CSMD3: variants seen among roughly 807,000 people sequenced by gnomAD.
The protein encoded by CSMD3 is CUB and sushi domain-containing protein 3.
Under a neutral mutation model 435.2 loss-of-function variants are expected in CSMD3, and 177 were observed. That is an observed-to-expected ratio of 0.41 (90% CI 0.36 to 0.46). The LOEUF (loss-of-function observed/expected upper bound fraction) is 0.46, where lower values mean the gene tolerates loss of function less well. Ranked by LOEUF, CSMD3 falls within the 20% of genes least tolerant of loss-of-function variation. CSMD3 has a pLI of 0.34. For synonymous variants in CSMD3, 1,656 were observed against 1,520.5 expected, an observed-to-expected ratio of 1.09 and a Z score of -2.07; for missense variants, 4,265 against 4,504.6, an observed-to-expected ratio of 0.95 and a Z score of 1.52.
chr8:112,686,063 T>C (rs773714804), intron 14 of CSMD3, among the ~76,000 whole-genome samples: 3 of 152,128 alleles, frequency 2.0e-5, no homozygotes, highest in African/African-American at 7.2e-5. Flanking sequence ...GAAGTTCCCA[T>C]AGAAAGCAAT....
intron 29 of CSMD3, among the ~76,000 whole-genome samples, chr8:112,505,605 T>C (rs2130924500): frequency 6.6e-6 from 1 of 152,236 alleles, no homozygotes; most frequent in South Asian, 2.1e-4. Flanking sequence ...ATACTTCAAG[T>C]ATTGTAACTT....
chr8:112,730,081 A>G (rs1429091530), intron 13 of CSMD3, among the ~76,000 whole-genome samples: 1 of 152,122 alleles, frequency 6.6e-6, no homozygotes, highest in Admixed American at 6.6e-5. Flanking sequence ...TTGTGGTTGG[A>G]ATATTTGTAG....
At chr8:113,168,532 A>AAAAAAAAC (rs1419092447) in intron 4 of CSMD3, among the ~76,000 whole-genome samples, 1 of 149,252 alleles carries the variant, frequency 6.7e-6, no homozygotes, top group Non-Finnish European at 1.5e-5. Context: ...AAAAAAAAAA[A>AAAAAAAAC]AAAAAAAAAA....
intron 24 of CSMD3, among the ~76,000 whole-genome samples, chr8:112,571,111 G>A (rs1472673612): frequency 6.6e-6 from 1 of 152,068 alleles, no homozygotes; most frequent in Non-Finnish European, 1.5e-5. Context: ...AGGTTCAAGC[G>A]GTTCTCCTGC....
chr8:113,364,837 A>G (rs1156502379), intron 1 of CSMD3, among the ~76,000 whole-genome samples: 1 of 152,120 alleles, frequency 6.6e-6, no homozygotes, highest in African/African-American at 2.4e-5. Context: ...TTACATCACA[A>G]AAAAAGATTC....
intron 13 of CSMD3, among the ~76,000 whole-genome samples, chr8:112,758,004 C>T (rs959622995): frequency 6.6e-6 from 1 of 151,340 alleles, no homozygotes; most frequent in Non-Finnish European, 1.5e-5. Context: ...TGCAGTGAGC[C>T]GTGATCAGGC....
intron 70 of CSMD3, among the ~76,000 whole-genome samples, chr8:112,227,437 T>C (rs1470271377): frequency 1.3e-5 from 2 of 152,192 alleles, no homozygotes; most frequent in African/African-American, 2.4e-5. Context: ...ACAGTTTCCC[T>C]TTGGCATTTT....
chr8:112,685,279 C>A, intron 15 of CSMD3, 127 bp downstream of exon 15: 1 of 714,322 alleles, frequency 1.4e-6, no homozygotes. Context: ...ATCCTTGGCA[C>A]AATGAGATTT....
intron 12 of CSMD3, among the ~76,000 whole-genome samples, chr8:112,825,698 G>A (rs1206964280): frequency 6.6e-6 from 1 of 152,104 alleles, no homozygotes. Flanking sequence ...GCAAGGATGG[G>A]TGTCTGTTCC....
intron 1 of CSMD3, among the ~76,000 whole-genome samples, chr8:113,371,244 CTA>C (rs1376643056): frequency 7.2e-5 from 11 of 151,772 alleles, no homozygotes. Context: ...AGCCAGTATT[CTA>C]TTATTTCTAA....
In CSMD3 at chr8:112,224,253, AT is replaced by A. The variant is rs1188999797; in HGVS notation, c.*517del. On this transcript the variant is annotated 3_prime_UTR_variant, in exon 71 of 71. Transcript: ENST00000297405. ...CATAAACATTTAAAGTCATAACTCA[AT>A]CTTAAATAAAGAAAACAATGCCTCA... is the stretch of plus-strand genomic sequence containing the variant. 2 of 159,570 alleles carry A rather than the reference AT, an allele frequency of 1.3e-5. No homozygotes were observed. The highest frequency in any genetic ancestry group is 4.8e-5 in the African/African-American group (2 of 41,512). 9.9% of individuals were successfully genotyped at this position (159,570 alleles called of 1,614,324 possible). A position where few individuals can be genotyped will look rare whatever the true frequency, so the allele number is the denominator to read the frequency against.
chr8:112,642,169 A>T (rs6415460), intron 20 of CSMD3, among the ~76,000 whole-genome samples: 45,580 of 151,810 alleles, frequency 0.3, 6,922 homozygotes, highest in East Asian at 0.36. Flanking sequence ...ACCAGCTATT[A>T]CCTAAAGGGT....
intron 13 of CSMD3, among the ~76,000 whole-genome samples, chr8:112,701,514 T>A (rs2076388307): frequency 6.6e-6 from 1 of 152,078 alleles, no homozygotes; most frequent in South Asian, 2.1e-4. Flanking sequence ...AATGAGACAC[T>A]GTAAGCCAGG....
At chr8:113,324,969 C>A (rs549336586) in intron 1 of CSMD3, among the ~76,000 whole-genome samples, 3 of 152,340 alleles carry the variant, frequency 2.0e-5, no homozygotes, top group Non-Finnish European at 4.4e-5. Context: ...GGATTTTGAA[C>A]TTGCATGGGG....
rs138951602 is a variant in CSMD3 at position 112,720,749 on chromosome 8, T to C, written c.1973-30699A>G. Among the ~76,000 whole-genome samples the C allele has an allele frequency of 3.3e-5, 5 of 152,322 alleles. No individual in the cohort carries two copies. The East Asian group carries it at 5.8e-4, about 18-fold the overall frequency. On this transcript the variant is annotated intron_variant, in intron 13 of 70. Transcript: ENST00000297405. The stretch of plus-strand genomic sequence containing the variant: ...ATAAATAAACGATGTTGTTGCTTCT[T>C]AAAGAGTTCACAGTCTAGATTTCAG...
intron 5 of CSMD3, among the ~76,000 whole-genome samples, chr8:113,033,449 G>C (rs1389410297): frequency 6.6e-6 from 1 of 151,596 alleles, no homozygotes; most frequent in Non-Finnish European, 1.5e-5. Flanking sequence ...GCCCCAACAG[G>C]GTTTAGACTT....
At chr8:113,162,774 G>C (rs1033440952) in intron 4 of CSMD3, among the ~76,000 whole-genome samples, 3 of 151,956 alleles carry the variant, frequency 2.0e-5, no homozygotes, top group African/African-American at 7.3e-5. Context: ...ACATAGAATA[G>C]TTCAAAAATG....
chr8:112,558,216 A>G (rs146127132), intron 24 of CSMD3, among the ~76,000 whole-genome samples: 1 of 151,800 alleles, frequency 6.6e-6, no homozygotes, highest in East Asian at 2.0e-4. Context: ...TTCTTCCCCA[A>G]GATGCATCAT....
intron 9 of CSMD3, among the ~76,000 whole-genome samples, chr8:112,943,563 G>T (rs957918112): frequency 6.6e-6 from 1 of 151,522 alleles, no homozygotes; most frequent in Non-Finnish European, 1.5e-5. Flanking sequence ...CCCAAGAAAA[G>T]ATATAACTTT....
Sources: gnomAD v4.1 joint callset for allele counts (sites outside exome capture counted in the v4.1 genomes callset) on GRCh38, gnomAD v4.1.1 for gene constraint, MANE v1.5 for transcripts, NCBI Gene and HGNC (gene_info 2026-07-23, HGNC 2026-07-21) for gene names.